Variants in PSIP1 observed in about 807,000 individuals in gnomAD.
PSIP1 encodes PC4 and SFRS1-interacting protein.
Under a neutral mutation model 74.7 loss-of-function variants are expected in PSIP1, and 19 were observed. The ratio of observed to expected loss-of-function variants is 0.25; its 90% CI spans 0.18 to 0.37. PSIP1 has a LOEUF of 0.37. Among genes scored for constraint, PSIP1 ranks in the 10% least tolerant of loss-of-function variants. The pLI is 1.00. For missense variants in PSIP1, 601 were observed against 614.3 expected, an observed-to-expected ratio of 0.98 and a Z score of 0.23; for synonymous variants, 222 against 195.3, an observed-to-expected ratio of 1.14 and a Z score of -1.14.
chr9:15,487,279 C>T (rs1299171527), intron 4 of PSIP1, among the ~76,000 whole-genome samples: 1 of 151,946 alleles, frequency 6.6e-6, no homozygotes, highest in African/African-American at 2.4e-5. Context: ...GGTGCAATCA[C>T]AGGACAAATG....
At chr9:15,483,292 T>G (rs371374768) in intron 6 of PSIP1, among the ~76,000 whole-genome samples, 42 of 152,170 alleles carry the variant, frequency 2.8e-4, no homozygotes, top group African/African-American at 9.9e-4. Context: ...TCCTCTGCAC[T>G]CCCAATAACT....
Position 15,464,992 on chromosome 9 carries a change from C to CT in PSIP1, c.*527dup, listed in dbSNP as rs1474206460. 4.6e-6 allele frequency: 1 copy of CT among 219,164 alleles called. No individual in the cohort carries two copies. Among genetic ancestry groups the CT allele is most frequent in the Non-Finnish European group, 9.2e-6 (1 of 109,190 alleles). 13.6% of individuals were successfully genotyped at this position (219,164 alleles called of 1,614,324 possible). On this transcript the variant is annotated 3_prime_UTR_variant, in exon 16 of 16. Coordinates refer to ENST00000380733, the MANE Select transcript of PSIP1 (RefSeq NM_033222.5). ...GCTGGATAATGTAGCACAATGTAGA[C>CT]TGTGAGATTAAAATTAACTTTTGAT... is the stretch of plus-strand genomic sequence containing the variant.
chr9:15,485,102 A>T (rs545411625), intron 6 of PSIP1, among the ~76,000 whole-genome samples: 4 of 152,138 alleles, frequency 2.6e-5, no homozygotes, highest in African/African-American at 9.7e-5. Context: ...AAAATTTTTT[A>T]AAAGGAGGTA....
Position 15,510,841 on chromosome 9 carries a change from C to G in PSIP1, c.-166G>C, listed in dbSNP as rs1339046964. 2 of 152,046 alleles carry G rather than the reference C, an allele frequency of 1.3e-5. No homozygotes were observed. The highest frequency in any genetic ancestry group is 4.8e-5 in the African/African-American group (2 of 41,424). 9.4% of individuals were successfully genotyped at this position (152,046 alleles called of 1,614,324 possible). A position where few individuals can be genotyped will look rare whatever the true frequency, so the allele number is the denominator to read the frequency against. On this transcript the variant is annotated 5_prime_UTR_variant, in exon 1 of 16. Transcript: ENST00000380733. ...CCTGCCGGGGCCGCGGGCGCCGACGCTGCGGTTGCTGGCCGGTCGCCTCTA... is the reference window on the plus strand; with the variant it reads ...CCTGCCGGGGCCGCGGGCGCCGACGGTGCGGTTGCTGGCCGGTCGCCTCTA...
chr9:15,497,582 C>G (rs1421908031), intron 3 of PSIP1, among the ~76,000 whole-genome samples: 2 of 152,050 alleles, frequency 1.3e-5, no homozygotes, highest in African/African-American at 2.4e-5. Flanking sequence ...ACCTCGGCCT[C>G]CCAAAGTGCT....
intron 10 of PSIP1, chr9:15,471,988 C>T (rs1417491289): frequency 5.1e-6 from 5 of 973,608 alleles, no homozygotes; most frequent in African/African-American, 1.8e-5. Context: ...AATAAAGACA[C>T]GAAGTCTGTT....
intron 6 of PSIP1, among the ~76,000 whole-genome samples, chr9:15,482,200 C>T (rs925854291): frequency 6.6e-6 from 1 of 152,166 alleles, no homozygotes; most frequent in Non-Finnish European, 1.5e-5. Flanking sequence ...CCTTGTTTTG[C>T]TGTATCTGTC....
chr9:15,490,994 G>C (rs1034791463), intron 3 of PSIP1, among the ~76,000 whole-genome samples: 9 of 152,256 alleles, frequency 5.9e-5, no homozygotes, highest in African/African-American at 2.2e-4. Flanking sequence ...AACTGAATTA[G>C]CAAATACACA....
At chr9:15,472,481 C>A in intron 10 of PSIP1, 151 bp downstream of exon 10, 8 of 1,404,470 alleles carry the variant, frequency 5.7e-6, no homozygotes, top group Non-Finnish European at 5.5e-6. Flanking sequence ...GAAATAAGAT[C>A]ATCATCATAT....
At chr9:15,501,396 G>GA (rs34513767) in intron 3 of PSIP1, among the ~76,000 whole-genome samples, 6,145 of 146,414 alleles carry the variant, frequency 0.042, 140 homozygotes, top group South Asian at 0.07. Flanking sequence ...GAGAAAAGGG[G>GA]AAAAAAAAAA....
At chr9:15,471,446 G>A in intron 10 of PSIP1, 1 of 1,433,148 alleles carries the variant, frequency 7.0e-7, no homozygotes, top group Non-Finnish European at 9.2e-7. Context: ...CTAAAGAAGG[G>A]TTGGGCTACA....
chr9:15,507,864 G>C (rs760010689), intron 2 of PSIP1, among the ~76,000 whole-genome samples: 1 of 152,090 alleles, frequency 6.6e-6, no homozygotes, highest in Non-Finnish European at 1.5e-5. Context: ...CACACCAACA[G>C]AATCATTACC....
At chr9:15,509,048 T>C (rs1412102372) in intron 2 of PSIP1, among the ~76,000 whole-genome samples, 2 of 152,316 alleles carry the variant, frequency 1.3e-5, no homozygotes, top group Non-Finnish European at 2.9e-5. Context: ...AGTGATCGTT[T>C]TACACTTGGA....
chr9:15,498,241 C>T (rs558307567), intron 3 of PSIP1, among the ~76,000 whole-genome samples: 1 of 152,200 alleles, frequency 6.6e-6, no homozygotes, highest in South Asian at 2.1e-4. Flanking sequence ...GACGGCAAAA[C>T]CCCATCTCTA....
intron 8 of PSIP1, among the ~76,000 whole-genome samples, chr9:15,474,757 T>C (rs2036002066): frequency 6.6e-6 from 1 of 152,160 alleles, no homozygotes; most frequent in South Asian, 2.1e-4. Context: ...TGCAAGTTGG[T>C]ACTACAGAAA....
chr9:15,507,667 A>T (rs902934008), intron 2 of PSIP1, among the ~76,000 whole-genome samples: 1 of 151,308 alleles, frequency 6.6e-6, no homozygotes, highest in Admixed American at 6.6e-5. Flanking sequence ...GAATTTAACA[A>T]CATATCTATT....
At chr9:15,509,588 T>C (rs545551297) in intron 2 of PSIP1, among the ~76,000 whole-genome samples, 49 of 152,354 alleles carry the variant, frequency 3.2e-4, no homozygotes, top group African/African-American at 1.2e-3. Context: ...ACTGTAATAC[T>C]TTCAAGAATA....
intron 3 of PSIP1, among the ~76,000 whole-genome samples, chr9:15,500,160 C>T (rs982670701): frequency 6.6e-6 from 1 of 152,068 alleles, no homozygotes; most frequent in African/African-American, 2.4e-5. Flanking sequence ...TTCTCATGAA[C>T]CTGCTGGTAA....
intron 3 of PSIP1, among the ~76,000 whole-genome samples, chr9:15,502,543 G>A (rs1447623323): frequency 1.3e-5 from 2 of 152,198 alleles, no homozygotes; most frequent in Admixed American, 6.5e-5. Context: ...TGAGTAGCTG[G>A]GACTACAGAC....
Sources: allele counts gnomAD v4.1 joint callset (sites outside exome capture counted in the v4.1 genomes callset), GRCh38; gene constraint gnomAD v4.1.1; transcripts MANE v1.5; gene names NCBI Gene and HGNC (gene_info 2026-07-23, HGNC 2026-07-21).